PRKCQ: variants seen among roughly 807,000 people sequenced by gnomAD.
PRKCQ encodes the protein protein kinase C theta.
PRKCQ carries 41 observed loss-of-function variants against 91.2 expected under a neutral mutation model. That is an observed-to-expected ratio of 0.45 (90% CI 0.35 to 0.58). The LOEUF (loss-of-function observed/expected upper bound fraction) is 0.58, where lower values mean the gene tolerates loss of function less well. PRKCQ is among the 20% of genes least tolerant of loss of function. PRKCQ has a pLI of 0.00. For synonymous variants in PRKCQ, 307 were observed against 316.9 expected (o/e 0.97, Z 0.33); for missense variants, 673 against 896.5 (o/e 0.75, Z 3.18).
intron 4 of PRKCQ, among the ~76,000 whole-genome samples, chr10:6,502,932 G>A (rs1012037371): frequency 2.0e-5 from 3 of 152,214 alleles, no homozygotes; most frequent in African/African-American, 7.2e-5. Context: ...CAGGAAATCT[G>A]GTCAGAGAGG....
chr10:6,481,023 C>G (rs1836569557), intron 11 of PRKCQ, among the ~76,000 whole-genome samples: 1 of 152,170 alleles, frequency 6.6e-6, no homozygotes, highest in Non-Finnish European at 1.5e-5. Context: ...AGAGAAAAGA[C>G]AAGTTTTGGA....
At chr10:6,429,353 C>G (rs1833288760) in intron 17 of PRKCQ, among the ~76,000 whole-genome samples, 1 of 152,136 alleles carries the variant, frequency 6.6e-6, no homozygotes, top group African/African-American at 2.4e-5. Context: ...AATGACTAAC[C>G]CACGTATTAG....
chr10:6,481,226 A>G (rs1440666341), intron 11 of PRKCQ, among the ~76,000 whole-genome samples: 2 of 152,230 alleles, frequency 1.3e-5, no homozygotes, highest in Non-Finnish European at 2.9e-5. Context: ...GGTTTAACTT[A>G]ATGTCTTCCT....
At chr10:6,403,208 T>C in the PRKCQ span, among the ~76,000 whole-genome samples, 1 of 152,350 alleles carries the variant, frequency 6.6e-6, no homozygotes, top group South Asian at 2.1e-4. Flanking sequence ...TTTCCGGCAA[T>C]GTGCAGACGG....
intron 15 of PRKCQ, among the ~76,000 whole-genome samples, chr10:6,453,977 C>G (rs1183223409): frequency 6.6e-6 from 1 of 151,758 alleles, no homozygotes; most frequent in Non-Finnish European, 1.5e-5. Context: ...TGCTAAATGA[C>G]GAGTTAATGG....
intron 1 of PRKCQ, among the ~76,000 whole-genome samples, chr10:6,574,085 C>G (rs1381832955): frequency 6.6e-6 from 1 of 152,184 alleles, no homozygotes; most frequent in East Asian, 1.9e-4. Flanking sequence ...CACTGCACTC[C>G]AGCCTGGGCG....
intron 1 of PRKCQ, among the ~76,000 whole-genome samples, chr10:6,574,112 TA>T (rs761514651): frequency 2.6e-5 from 4 of 151,046 alleles, no homozygotes; most frequent in African/African-American, 7.3e-5. Flanking sequence ...CAAGACCCCG[TA>T]AAAAAAAATG....
intron 1 of PRKCQ, among the ~76,000 whole-genome samples, chr10:6,542,089 C>A (rs1839797082): frequency 6.6e-6 from 1 of 152,226 alleles, no homozygotes; most frequent in South Asian, 2.1e-4. Flanking sequence ...CCGGCTCTAA[C>A]TGTGGCCAGT....
intron 1 of PRKCQ, among the ~76,000 whole-genome samples, chr10:6,519,738 C>T (rs7342024): frequency 0.022 from 3,405 of 152,162 alleles, 119 homozygotes; most frequent in African/African-American, 0.078. Flanking sequence ...ACAACTGTGC[C>T]CCAAAGTGAA....
intron 1 of PRKCQ, among the ~76,000 whole-genome samples, chr10:6,539,753 CT>C (rs1385790342): frequency 1.3e-5 from 2 of 152,122 alleles, no homozygotes; most frequent in East Asian, 3.9e-4. Context: ...GGGACCGCTG[CT>C]TTAGAGAACT....
At chr10:6,435,348 C>A (rs1003653283) in intron 16 of PRKCQ, among the ~76,000 whole-genome samples, 2 of 152,152 alleles carry the variant, frequency 1.3e-5, no homozygotes, top group African/African-American at 4.8e-5. Context: ...TTGTCAAATT[C>A]CCTAGAAGAC....
chr10:6,417,908 A>G, the PRKCQ span, among the ~76,000 whole-genome samples: 1 of 152,074 alleles, frequency 6.6e-6, no homozygotes, highest in East Asian at 1.9e-4. Context: ...CTTCACTTCC[A>G]CCACCTCCCA....
intron 12 of PRKCQ, among the ~76,000 whole-genome samples, chr10:6,477,586 G>T (rs138822892): frequency 0.01 from 1,544 of 152,322 alleles, 37 homozygotes; most frequent in African/African-American, 0.035. Flanking sequence ...ATGGGAAAAG[G>T]GCTGGGTGCG....
chr10:6,455,268 T>A (rs906386297), intron 15 of PRKCQ, among the ~76,000 whole-genome samples: 7 of 152,214 alleles, frequency 4.6e-5, no homozygotes, highest in Non-Finnish European at 7.3e-5. Flanking sequence ...GTTTATAGCA[T>A]CAAAACCTGT....
At chr10:6,553,516 A>AT (rs1840285986) in intron 1 of PRKCQ, among the ~76,000 whole-genome samples, 7 of 147,298 alleles carry the variant, frequency 4.8e-5, no homozygotes, top group Middle Eastern at 3.2e-3. Flanking sequence ...AAAAAAAAAA[A>AT]ACAAACAAAC....
chr10:6,405,501 G>C, the PRKCQ span, among the ~76,000 whole-genome samples: 1 of 152,120 alleles, frequency 6.6e-6, no homozygotes, highest in South Asian at 2.1e-4. Context: ...AATAACTTAC[G>C]TGTTTATTAC....
At chr10:6,415,091 T>C in the PRKCQ span, among the ~76,000 whole-genome samples, 1 of 151,978 alleles carries the variant, frequency 6.6e-6, no homozygotes, top group Admixed American at 6.6e-5. Flanking sequence ...GCCTCCCGAG[T>C]AGCTGGGACT....
At chr10:6,512,876 T>TA (rs200910085) in intron 2 of PRKCQ, among the ~76,000 whole-genome samples, 550 of 149,294 alleles carry the variant, frequency 3.7e-3, no homozygotes, top group Admixed American at 0.01. Context: ...TGTGGGTTGG[T>TA]AAAAAAAAAA....
chr10:6,579,093 A>G (rs1472511049), intron 1 of PRKCQ, among the ~76,000 whole-genome samples: 1 of 152,224 alleles, frequency 6.6e-6, no homozygotes, highest in Non-Finnish European at 1.5e-5. Context: ...TTCTTTGGCA[A>G]AAGAAAAGGT....
Sources: gnomAD v4.1 joint callset for allele counts (sites outside exome capture counted in the v4.1 genomes callset) on GRCh38, gnomAD v4.1.1 for gene constraint, MANE v1.5 for transcripts, NCBI Gene and HGNC (gene_info 2026-07-23, HGNC 2026-07-21) for gene names.